The following ERBB4 variants were observed in gnomAD, a reference collection of about 807,000 sequenced individuals.
ERBB4 encodes erb-b2 receptor tyrosine kinase 4.
In ERBB4, 42 loss-of-function variants were observed where a neutral mutation model predicts 158.0. The observed-to-expected ratio is 0.27, with a 90% CI of 0.21 to 0.34. The LOEUF is 0.34. Among genes scored for constraint, ERBB4 ranks in the 10% least tolerant of loss-of-function variants. The pLI, the probability that ERBB4 is intolerant of heterozygous loss-of-function variation, is 1.00. For missense variants in ERBB4, 1,333 were observed against 1,624.1 expected (o/e 0.82, Z 3.08); for synonymous variants, 583 against 558.7 (o/e 1.04, Z -0.61).
chr2:212,081,626 T>C (rs1422332663), intron 2 of ERBB4, among the ~76,000 whole-genome samples: 1 of 152,148 alleles, frequency 6.6e-6, no homozygotes, highest in Non-Finnish European at 1.5e-5. Flanking sequence ...TATGAATAGG[T>C]TCTTCCAAAA....
intron 2 of ERBB4, among the ~76,000 whole-genome samples, chr2:212,092,939 T>A (rs2125497248): frequency 6.6e-6 from 1 of 152,192 alleles, no homozygotes; most frequent in South Asian, 2.1e-4. Context: ...GCACATGTAC[T>A]CCAGAATTTA....
chr2:212,019,051 G>A (rs986653771), intron 2 of ERBB4, among the ~76,000 whole-genome samples: 3 of 152,050 alleles, frequency 2.0e-5, no homozygotes, highest in Non-Finnish European at 4.4e-5. Context: ...AGAAGCCAGA[G>A]TACAAGAAGC....
chr2:212,373,826 T>TATATATATATCGATGTATATATCC (rs1553627614), intron 1 of ERBB4, among the ~76,000 whole-genome samples: 2 of 40,580 alleles, frequency 4.9e-5, no homozygotes, highest in Non-Finnish European at 9.8e-5. Flanking sequence ...TATATATCCA[T>TATATATATATCGATGTATATATCC]ATATATATAT....
intron 3 of ERBB4, among the ~76,000 whole-genome samples, chr2:211,836,576 G>A (rs2077347725): frequency 6.6e-6 from 1 of 151,998 alleles, no homozygotes; most frequent in African/African-American, 2.4e-5. Flanking sequence ...CAGGTGTTCA[G>A]CATAAACCAC....
intron 2 of ERBB4, among the ~76,000 whole-genome samples, chr2:212,093,121 A>G (rs1353657723): frequency 2.6e-5 from 4 of 152,112 alleles, no homozygotes; most frequent in South Asian, 4.1e-4. Flanking sequence ...ACTTTTTTCT[A>G]TTCCAGAAAG....
intron 1 of ERBB4, among the ~76,000 whole-genome samples, chr2:212,323,500 CA>C (rs980932730): frequency 6.7e-6 from 1 of 150,222 alleles, no homozygotes; most frequent in African/African-American, 2.4e-5. Flanking sequence ...GAAAAATCAT[CA>C]ATATCATGAT....
chr2:211,394,717 T>C (rs1225914055), intron 25 of ERBB4, among the ~76,000 whole-genome samples: 1 of 152,074 alleles, frequency 6.6e-6, no homozygotes, highest in Non-Finnish European at 1.5e-5. Flanking sequence ...CGTGAAGTTG[T>C]CTCTGCTTGT....
At chr2:212,532,482 A>G (rs1368960744) in intron 1 of ERBB4, among the ~76,000 whole-genome samples, 1 of 96,616 alleles carries the variant, frequency 1.0e-5, no homozygotes, top group African/African-American at 7.1e-5. Flanking sequence ...AAAAATAATT[A>G]AAAACCAATA....
chr2:212,211,326 T>C (rs13427258), intron 1 of ERBB4, among the ~76,000 whole-genome samples: 83,233 of 151,844 alleles, frequency 0.55, 23,051 homozygotes, highest in East Asian at 0.77. Flanking sequence ...TGAAGACACA[T>C]CGCACACATA....
chr2:212,379,002 G>T (rs934478695), intron 1 of ERBB4, among the ~76,000 whole-genome samples: 2 of 150,252 alleles, frequency 1.3e-5, no homozygotes, highest in Non-Finnish European at 3.0e-5. Flanking sequence ...AATTTTAAAT[G>T]TCATTACATT....
chr2:211,926,825 C>A (rs1017970939), intron 3 of ERBB4, among the ~76,000 whole-genome samples: 1 of 152,128 alleles, frequency 6.6e-6, no homozygotes, highest in Non-Finnish European at 1.5e-5. Context: ...GTTCTCCCCT[C>A]TTTGACCAGC....
intron 2 of ERBB4, among the ~76,000 whole-genome samples, chr2:212,110,162 A>C (rs1411450738): frequency 6.6e-6 from 1 of 152,202 alleles, no homozygotes; most frequent in African/African-American, 2.4e-5. Context: ...TGACTAGAGG[A>C]GTCAAAGGTG....
At chr2:211,716,711 A>C (rs199599381) in intron 7 of ERBB4, among the ~76,000 whole-genome samples, 2 of 87,360 alleles carry the variant, frequency 2.3e-5, no homozygotes, top group Non-Finnish European at 4.3e-5. Context: ...AAAACAAAAC[A>C]AAAAAAAACA....
At chr2:212,126,821 G>C (rs1168965111) in intron 1 of ERBB4, among the ~76,000 whole-genome samples, 1 of 152,118 alleles carries the variant, frequency 6.6e-6, no homozygotes, top group Non-Finnish European at 1.5e-5. Context: ...AGTTCCTGCA[G>C]AGGAAGGAAA....
intron 21 of ERBB4, among the ~76,000 whole-genome samples, chr2:211,429,417 T>C (rs1460050263): frequency 1.3e-5 from 2 of 152,176 alleles, no homozygotes; most frequent in East Asian, 1.9e-4. Flanking sequence ...ATTGAAAATA[T>C]GTACCATTTT....
chr2:211,861,314 T>C (rs1244751857), intron 3 of ERBB4, among the ~76,000 whole-genome samples: 1 of 136,884 alleles, frequency 7.3e-6, no homozygotes, highest in African/African-American at 2.7e-5. Flanking sequence ...ATTCATGCCA[T>C]CAGTCCAGGC....
At chr2:211,657,966 T>C (rs2071281795) in intron 15 of ERBB4, 138 bp from the exon 16 acceptor site, 3 of 1,605,332 alleles carry the variant, frequency 1.9e-6, no homozygotes, top group South Asian at 2.2e-5. Flanking sequence ...ATCAGGCCGA[T>C]GCAGTCTTCA....
intron 3 of ERBB4, among the ~76,000 whole-genome samples, chr2:211,903,477 A>G (rs1466950333): frequency 6.6e-6 from 1 of 152,074 alleles, no homozygotes; most frequent in Non-Finnish European, 1.5e-5. Context: ...AAGAAAGACC[A>G]ATTCATGAGA....
At chr2:211,757,266 G>A (rs2075306591) in intron 4 of ERBB4, among the ~76,000 whole-genome samples, 1 of 152,020 alleles carries the variant, frequency 6.6e-6, no homozygotes, top group Non-Finnish European at 1.5e-5. Context: ...AGTATAAAAT[G>A]GAAACTTTAA....
Sources: gnomAD v4.1 joint callset for allele counts (sites outside exome capture counted in the v4.1 genomes callset) on GRCh38, gnomAD v4.1.1 for gene constraint, MANE v1.5 for transcripts, NCBI Gene and HGNC (gene_info 2026-07-23, HGNC 2026-07-21) for gene names.